Variants in RCN3 observed in about 807,000 individuals in gnomAD.
RCN3 encodes the protein reticulocalbin-3.
In RCN3, 41 loss-of-function variants were observed where a neutral mutation model predicts 35.9. That is an observed-to-expected ratio of 1.14 (90% CI 0.89 to 1.48). The LOEUF (loss-of-function observed/expected upper bound fraction) is 1.48. Among genes scored for constraint, RCN3 ranks in the 40% most tolerant of loss-of-function variants. The pLI, the probability that RCN3 is intolerant of heterozygous loss-of-function variation, is 0.00. For missense variants in RCN3, 451 were observed against 471.3 expected, an observed-to-expected ratio of 0.96 and a Z score of 0.40; for synonymous variants, 187 against 193.4, an observed-to-expected ratio of 0.97 and a Z score of 0.27.
At position 49,542,719 on chromosome 19, in the gene RCN3, CA is replaced by C. The variant is rs1568713293; in HGVS notation, c.848del (p.Asn283ThrfsTer15). 3 of 1,594,250 alleles carry C rather than the reference CA, an allele frequency of 1.9e-6. No individual in the cohort carries two copies. Among genetic ancestry groups the C allele is most frequent in the Non-Finnish European group, 2.6e-6 (3 of 1,172,014 alleles). ...PAQDQPLVEA[N>X]HLLHESDTDK... ...CCCAGGACCAGCCCCTGGTGGAAGC[CA>C]ACCACCTGCTGCACGAGAGCGACAC... On this transcript the variant is annotated frameshift_variant, in exon 6 of 7. Transcript: ENST00000270645. LOFTEE classifies it high-confidence loss of function.
chr19:49,535,518 A>G (rs1348098125), intron 3 of RCN3, among the ~76,000 whole-genome samples: 1 of 152,224 alleles, frequency 6.6e-6, no homozygotes, highest in African/African-American at 2.4e-5. Flanking sequence ...AGCTTAGCAT[A>G]TAATCTCTCA....
intron 1 of RCN3, 145 bp from the exon 2 acceptor site, chr19:49,528,322 G>C: frequency 1.5e-6 from 1 of 687,944 alleles, no homozygotes; most frequent in South Asian, 3.7e-5. Flanking sequence ...TTCCCCCATC[G>C]CCCGCCCTTT....
intron 5 of RCN3, among the ~76,000 whole-genome samples, chr19:49,541,566 T>C (rs2080163046): frequency 6.6e-6 from 1 of 152,136 alleles, no homozygotes; most frequent in Non-Finnish European, 1.5e-5. Flanking sequence ...CTGGCCAACA[T>C]GATGAAACCC....
chr19:49,538,049 T>A (rs1380464511), intron 4 of RCN3, among the ~76,000 whole-genome samples: 1 of 151,438 alleles, frequency 6.6e-6, no homozygotes, highest in Non-Finnish European at 1.5e-5. Context: ...CGGAGGGCAG[T>A]GGCTCAATCT....
chr19:49,531,258 G>T (rs1312423985), intron 2 of RCN3, among the ~76,000 whole-genome samples: 1 of 152,190 alleles, frequency 6.6e-6, no homozygotes, highest in East Asian at 1.9e-4. Context: ...GGTCAAGGCT[G>T]CAGTGAGCCA....
intron 4 of RCN3, among the ~76,000 whole-genome samples, chr19:49,538,186 G>A (rs1481559166): frequency 1.4e-5 from 2 of 144,244 alleles, no homozygotes; most frequent in African/African-American, 2.6e-5. Context: ...TTTTTCAGAC[G>A]GAGTCTCGCT....
chr19:49,528,175 G>GC, intron 1 of RCN3, 117 bp downstream of exon 1: 1 of 366,954 alleles, frequency 2.7e-6, no homozygotes, highest in Non-Finnish European at 4.9e-6. Context: ...CCACAACTAT[G>GC]CCCTGCACCT....
At chr19:49,534,057 C>T (rs2080121927) in intron 2 of RCN3, 136 bp from the exon 3 acceptor site, 2 of 901,934 alleles carry the variant, frequency 2.2e-6, no homozygotes, top group African/African-American at 1.8e-5. Context: ...GACCCGCGCC[C>T]CTCCCCAGTT....
intron 2 of RCN3, among the ~76,000 whole-genome samples, chr19:49,532,368 T>C (rs544617547): frequency 1.3e-4 from 19 of 151,540 alleles, no homozygotes; most frequent in African/African-American, 4.4e-4. Flanking sequence ...GCCTCCAAAG[T>C]GTTTTTTGTT....
intron 5 of RCN3, among the ~76,000 whole-genome samples, chr19:49,541,657 G>A (rs2080163351): frequency 6.6e-6 from 1 of 152,010 alleles, no homozygotes. Flanking sequence ...GCTGAGGCAG[G>A]AGAATCACTT....
chr19:49,530,482 A>ATTTTTCTTT (rs1197521246), intron 2 of RCN3, among the ~76,000 whole-genome samples: 1 of 141,414 alleles, frequency 7.1e-6, no homozygotes, highest in Non-Finnish European at 1.5e-5. Flanking sequence ...GGCCCAGGTA[A>ATTTTTCTTT]TTTTTCTTTT....
Position 49,543,128 on chromosome 19 carries a change from A to T in RCN3, c.902A>T (p.Glu301Val). 6.2e-7 allele frequency: 1 copy of T among 1,614,072 alleles called. No homozygotes were observed. Among genetic ancestry groups the T allele is most frequent in the South Asian group, 1.1e-5 (1 of 91,082 alleles). The change falls in exon 7 of 7, where the codon GAA (glutamate) becomes GTA (valine). Residue 301 changes from glutamate to valine, a missense_variant. Transcript: ENST00000270645. ...CAGGATGGGCGGCTGAGCAAAGCGG[A>T]AATCCTGGGTAATTGGAACATGTTT... ...TDKDGRLSKAEILGNWNMFVG... is the reference protein window; with the variant it reads ...TDKDGRLSKAVILGNWNMFVG...
At chr19:49,541,464 T>C (rs2080162481) in intron 5 of RCN3, among the ~76,000 whole-genome samples, 1 of 152,128 alleles carries the variant, frequency 6.6e-6, no homozygotes, top group Non-Finnish European at 1.5e-5. Flanking sequence ...ATGTATAAAA[T>C]TGGGGTGGGT....
At chr19:49,538,331 T>C (rs2080147079) in intron 4 of RCN3, among the ~76,000 whole-genome samples, 1 of 111,992 alleles carries the variant, frequency 8.9e-6, no homozygotes, top group Non-Finnish European at 1.9e-5. Context: ...CCCGGCTAAT[T>C]TTTTTTTTTT....
chr19:49,529,672 A>C (rs547366167), intron 2 of RCN3, among the ~76,000 whole-genome samples: 1 of 152,346 alleles, frequency 6.6e-6, no homozygotes, highest in East Asian at 1.9e-4. Flanking sequence ...AAATGCATCC[A>C]AGAAAGATAA....
intron 1 of RCN3, 182 bp downstream of exon 1, chr19:49,528,240 C>G (rs529079923): frequency 2.2e-6 from 1 of 459,432 alleles, no homozygotes; most frequent in Non-Finnish European, 3.8e-6. Context: ...AGGTCTGGGA[C>G]CCCCCTGAGA....
Position 49,537,120 on chromosome 19 carries a change from A to G in RCN3, c.533A>G (p.Asp178Gly). The change falls in exon 4 of 7, where the codon GAT (aspartate) becomes GGT (glycine). Residue 178 changes from aspartate (D) to glycine (G), a missense_variant. Coordinates refer to ENST00000270645, the MANE Select transcript of RCN3 (RefSeq NM_020650.3). The part of the protein sequence containing the change: ...DERRFRVADQ[D>G]GDSMATREEL... ...CGGCGTTTCCGGGTGGCCGACCAGG[A>G]TGGGGACTCGATGGCCACTCGAGAG... 6.3e-7 allele frequency: 1 copy of G among 1,598,512 alleles called. No homozygotes were observed. Among genetic ancestry groups the G allele is most frequent in the Non-Finnish European group, 8.5e-7 (1 of 1,171,664 alleles).
chr19:49,542,684 C>T lies in RCN3; in HGVS notation c.811C>T (p.Leu271=). 1 of 1,596,756 alleles carries T rather than the reference C, an allele frequency of 6.3e-7. No individual in the cohort carries two copies. Among genetic ancestry groups the T allele is most frequent in the South Asian group, 1.1e-5 (1 of 87,744 alleles). ...TGGGAGTGAGGTGGGCCACTGGGTG[C>T]TGCCCCCTGCCCAGGACCAGCCCCT... is the stretch of plus-strand genomic sequence containing the variant. The part of the protein sequence containing the change: ...LDGSEVGHWV[L]PPAQDQPLVE... Residue 271 remains leucine, a synonymous_variant, in exon 6 of 7, where the codon CTG becomes TTG. Transcript: ENST00000270645.
At chr19:49,532,717 C>A (rs951879554) in intron 2 of RCN3, among the ~76,000 whole-genome samples, 1 of 151,100 alleles carries the variant, frequency 6.6e-6, no homozygotes, top group Admixed American at 6.6e-5. Context: ...GCTCTGTTGC[C>A]CAGGCTGGAG....
Sources: allele counts gnomAD v4.1 joint callset (sites outside exome capture counted in the v4.1 genomes callset), GRCh38; gene constraint gnomAD v4.1.1; transcripts MANE v1.5; gene names NCBI Gene and HGNC (gene_info 2026-07-23, HGNC 2026-07-21).